The following LMBRD1 variants were observed in gnomAD, a reference collection of about 807,000 sequenced individuals.
The protein encoded by LMBRD1 is lysosomal cobalamin transport escort protein LMBD1.
LMBRD1 carries 64 observed loss-of-function variants against 74.8 expected under a neutral mutation model. The observed-to-expected ratio is 0.86, with a 90% CI of 0.70 to 1.05. The LOEUF is 1.05. LMBRD1 is among the 50% of genes least tolerant of loss of function. LMBRD1 has a pLI of 0.00. For synonymous variants in LMBRD1, 204 were observed against 216.3 expected (o/e 0.94, Z 0.50); for missense variants, 652 against 645.9 (o/e 1.01, Z -0.10).
At chr6:69,780,692 G>C in intron 2 of LMBRD1, 138 bp from the exon 3 acceptor site, 1 of 688,810 alleles carries the variant, frequency 1.5e-6, no homozygotes, top group Non-Finnish European at 2.6e-6. Flanking sequence ...TTCAATAAGT[G>C]AGAGACAGAC....
At chr6:69,784,586 T>C (rs1444801506) in intron 2 of LMBRD1, among the ~76,000 whole-genome samples, 1 of 152,154 alleles carries the variant, frequency 6.6e-6, no homozygotes, top group Non-Finnish European at 1.5e-5. Flanking sequence ...CAGGCCCCCA[T>C]AACAAAGAAT....
chr6:69,729,275 T>C (rs1766800999), intron 7 of LMBRD1, among the ~76,000 whole-genome samples: 1 of 149,970 alleles, frequency 6.7e-6, no homozygotes, highest in Non-Finnish European at 1.5e-5. Context: ...TCGGTTTAAT[T>C]ACAATACGTC....
In LMBRD1 at chr6:69,796,914, C is replaced by A; in HGVS notation, c.-33G>T. The A allele has an allele frequency of 6.5e-7, 1 of 1,528,432 alleles. No individual in the cohort carries two copies. Among genetic ancestry groups the A allele is most frequent in the African/African-American group, 1.4e-5 (1 of 73,030 alleles). 94.7% of individuals were successfully genotyped at this position (1,528,432 alleles called of 1,614,324 possible). On this transcript the variant is annotated 5_prime_UTR_variant, in exon 1 of 16. Coordinates refer to ENST00000649934, the MANE Select transcript of LMBRD1 (RefSeq NM_018368.4). ...TCCGGTCCAGACCAACCTGAGCGCC[C>A]GGGGTGGGGAAAGGGGAGGGGGAAA...
Position 69,757,771 on chromosome 6 carries a change from T to C in LMBRD1, c.308-5415A>G, listed in dbSNP as rs187899428. Among the ~76,000 whole-genome samples, 248 of 152,328 alleles carry C rather than the reference T, an allele frequency of 1.6e-3. 1 individual carries two copies. Among genetic ancestry groups the C allele is most frequent in the Admixed American group, 5.0e-3 (76 of 15,290 alleles). ...CAAATTATTCTTGACTCTAAAGTTA[T>C]GACACTCTCATATCCTAACATCTCT... On this transcript the variant is annotated intron_variant, in intron 3 of 15. Coordinates refer to ENST00000649934, the MANE Select transcript of LMBRD1 (RefSeq NM_018368.4).
chr6:69,763,170 T>A (rs1765406417), intron 3 of LMBRD1, among the ~76,000 whole-genome samples: 2 of 151,288 alleles, frequency 1.3e-5, no homozygotes, highest in South Asian at 4.2e-4. Context: ...CTAAGGAGAT[T>A]CCTAAGCAAA....
At chr6:69,765,977 G>C (rs572551596) in intron 3 of LMBRD1, among the ~76,000 whole-genome samples, 1 of 151,836 alleles carries the variant, frequency 6.6e-6, no homozygotes, top group Non-Finnish European at 1.5e-5. Flanking sequence ...CTCACTGGTT[G>C]TATTTGTCCA....
intron 5 of LMBRD1, among the ~76,000 whole-genome samples, chr6:69,747,582 A>G (rs566937499): frequency 6.6e-6 from 1 of 152,336 alleles, no homozygotes; most frequent in East Asian, 1.9e-4. Flanking sequence ...TGATTCTGCA[A>G]TGCAGAGTAA....
chr6:69,780,430 A>T, intron 3 of LMBRD1, 64 bp downstream of exon 3: 1 of 1,193,758 alleles, frequency 8.4e-7, no homozygotes. Flanking sequence ...TTCTCCACTC[A>T]TCGGAGTCGT....
rs1177350636 is a variant in LMBRD1, at chr6:69,788,607, G to C, written c.246+1689C>G. On this transcript the variant is annotated intron_variant, in intron 2 of 15. Transcript: ENST00000649934. ...TACAATCAACCATTTAATTATCTAT[G>C]TCTAACAGTATTAAAAGTGTATTTA... Among the ~76,000 whole-genome samples the C allele has an allele frequency of 2.0e-5, 3 of 150,138 alleles. No homozygotes were observed. In the South Asian group the frequency reaches 6.4e-4, roughly 32 times the overall value.
intron 13 of LMBRD1, 108 bp from the exon 14 acceptor site, chr6:69,697,749 T>C: frequency 1.6e-6 from 1 of 628,472 alleles, no homozygotes; most frequent in East Asian, 2.8e-5. Context: ...ACTACATCTA[T>C]CTAACATTCC....
Position 69,737,938 on chromosome 6 carries a change from T to C in LMBRD1, c.636+4A>G, listed in dbSNP as rs1767010021. 1 of 1,604,348 alleles carries C rather than the reference T, an allele frequency of 6.2e-7. No individual in the cohort carries two copies. Among genetic ancestry groups the C allele is most frequent in the Non-Finnish European group, 8.5e-7 (1 of 1,172,566 alleles). On this transcript the variant is annotated splice_donor_region_variant and intron_variant, in intron 7 of 15. Transcript: ENST00000649934. ...TTTAACTCAATTATCCCCATTTCAC[T>C]TACTGTGTAAGTTATAGCTGCCAAC... is the stretch of plus-strand genomic sequence containing the variant.
intron 1 of LMBRD1, among the ~76,000 whole-genome samples, chr6:69,795,466 T>C (rs967678838): frequency 5.3e-5 from 8 of 152,274 alleles, no homozygotes; most frequent in African/African-American, 1.9e-4. Flanking sequence ...TTGTTTGGTT[T>C]ACATCCTCTT....
chr6:69,685,059 C>CTA (rs1765735161), intron 14 of LMBRD1, among the ~76,000 whole-genome samples: 1 of 151,850 alleles, frequency 6.6e-6, no homozygotes, highest in African/African-American at 2.4e-5. Flanking sequence ...TATATGAAGA[C>CTA]TATACATTGA....
intron 14 of LMBRD1, among the ~76,000 whole-genome samples, chr6:69,686,517 AATT>A (rs1201302226): frequency 3.3e-5 from 5 of 152,346 alleles, no homozygotes; most frequent in African/African-American, 1.2e-4. Context: ...TTTTAAAGAT[AATT>A]ATTATAGATA....
chr6:69,741,670 T>A (rs1036136180), intron 6 of LMBRD1, 119 bp downstream of exon 6: 4 of 615,566 alleles, frequency 6.5e-6, no homozygotes, highest in Non-Finnish European at 1.2e-5. Flanking sequence ...ATTACAGGCA[T>A]GAGCCACCAC....
chr6:69,695,349 ACCTT>A (rs1449058903), intron 14 of LMBRD1, among the ~76,000 whole-genome samples: 3 of 151,804 alleles, frequency 2.0e-5, no homozygotes, highest in African/African-American at 7.3e-5. Flanking sequence ...TCTTCTCCAT[ACCTT>A]CCTTATCAGC....
intron 8 of LMBRD1, among the ~76,000 whole-genome samples, chr6:69,717,042 T>A (rs1766506997): frequency 6.6e-6 from 1 of 151,986 alleles, no homozygotes; most frequent in Admixed American, 6.6e-5. Flanking sequence ...GATGAAAATT[T>A]AAAAGAGGTC....
intron 2 of LMBRD1, among the ~76,000 whole-genome samples, chr6:69,783,327 T>C (rs1253898764): frequency 3.9e-5 from 6 of 152,214 alleles, no homozygotes; most frequent in Admixed American, 3.9e-4. Flanking sequence ...TGTGCTTCTT[T>C]AGTGATTACT....
chr6:69,716,364 G>A (rs1440668161), intron 8 of LMBRD1, among the ~76,000 whole-genome samples: 2 of 152,070 alleles, frequency 1.3e-5, no homozygotes, highest in African/African-American at 4.8e-5. Context: ...TTTCTCTAAT[G>A]GTCAGTGATG....
Sources: gnomAD v4.1 joint callset for allele counts (sites outside exome capture counted in the v4.1 genomes callset) on GRCh38, gnomAD v4.1.1 for gene constraint, MANE v1.5 for transcripts, NCBI Gene and HGNC (gene_info 2026-07-23, HGNC 2026-07-21) for gene names.